Variants in PPFIA4 observed in about 807,000 individuals in gnomAD.
PPFIA4 encodes the protein liprin-alpha-4.
Under a neutral mutation model 145.7 loss-of-function variants are expected in PPFIA4, and 98 were observed. The ratio of observed to expected loss-of-function variants is 0.67; its 90% CI spans 0.57 to 0.80. The LOEUF (loss-of-function observed/expected upper bound fraction) is 0.80. PPFIA4 is among the 30% of genes least tolerant of loss of function. The probability of loss-of-function intolerance (pLI) is 0.00; values close to 1 mark genes in which losing one functional copy is unlikely to be tolerated. For synonymous variants in PPFIA4, 628 were observed against 649.6 expected (o/e 0.97, Z 0.51); for missense variants, 1,457 against 1,632.7 (o/e 0.89, Z 1.85).
chr1:203,055,475 G>T lies in PPFIA4; in HGVS notation c.1873G>T (p.Glu625Ter). ...GGAGTCCACGGAGCTCCGCGCGGAGGAGATTGAGACGCGTGTAACCAGTGG... is the reference window on the plus strand; with the variant it reads ...GGAGTCCACGGAGCTCCGCGCGGAGTAGATTGAGACGCGTGTAACCAGTGG... ...EKESTELRAE[E>*]IETRVTSGSM... Residue 625 changes from glutamate (E) to a stop codon, truncating the protein, a stop_gained, in exon 16 of 30, where the codon GAG (glutamate) becomes TAG (stop). Coordinates refer to ENST00000295706, the MANE Select transcript of PPFIA4 (RefSeq NM_001304331.2). LOFTEE classifies it high-confidence loss of function. The surrounding 1 kb of genome is among the most constrained non-coding windows in gnomAD (Gnocchi z 4.8). The T allele has an allele frequency of 1.2e-6, 2 of 1,613,990 alleles. No homozygotes were observed. Among genetic ancestry groups the T allele is most frequent in the Non-Finnish European group, 1.7e-6 (2 of 1,179,894 alleles).
Position 203,060,164 on chromosome 1 carries a change from C to A in PPFIA4, c.2584-53C>A. 1.3e-6 allele frequency: 2 copies of A among 1,582,788 alleles called. No individual in the cohort carries two copies. The highest frequency in any genetic ancestry group is 2.7e-5 in the African/African-American group (2 of 74,402). On this transcript the variant is annotated intron_variant, in intron 21 of 29. Coordinates refer to ENST00000295706, the MANE Select transcript of PPFIA4 (RefSeq NM_001304331.2). The surrounding 1 kb of genome is among the most constrained non-coding windows in gnomAD (Gnocchi z 4.8). ...CCTTGCCCCTTGCTGTTGCCAAACT[C>A]TTGGTGGTAGGGCCCAGGCCTTGAA... is the stretch of plus-strand genomic sequence containing the variant.
chr1:203,049,733 C>T lies in PPFIA4; in HGVS notation c.1477C>T (p.Arg493Ter), dbSNP rs767596639. Residue 493 changes from arginine to a stop codon, truncating the protein, a stop_gained, in exon 13 of 30, where the codon CGA becomes TGA. Transcript: ENST00000295706. LOFTEE classifies it high-confidence loss of function. Reference sequence around the variant, plus strand: ...CCAAGAGGTGGACCAGCTGAAGGGCCGAGGGGGGCCGTTTGTGGATGGCGT... The same window carrying T: ...CCAAGAGGTGGACCAGCTGAAGGGCTGAGGGGGGCCGTTTGTGGATGGCGT... ...LRQEVDQLKGRGGPFVDGVHS... is the reference protein window; with the variant it reads ...LRQEVDQLKG 7.6e-6 allele frequency: 12 copies of T among 1,586,902 alleles called. No individual in the cohort carries two copies. Among genetic ancestry groups the T allele is most frequent in the South Asian group, 2.3e-5 (2 of 86,810 alleles).
Position 203,045,953 on chromosome 1 carries a change from A to G in PPFIA4, c.971A>G (p.Asn324Ser), listed in dbSNP as rs1660052697. The G allele has an allele frequency of 6.2e-7, 1 of 1,612,582 alleles. No individual in the cohort carries two copies. The highest frequency in any genetic ancestry group is 8.5e-7 in the Non-Finnish European group (1 of 1,179,708). The change falls in exon 8 of 30, where the codon AAT becomes AGT. Residue 324 changes from asparagine to serine, a missense_variant. Asn to Ser is a conservative substitution (Grantham distance 46, BLOSUM62 1). Around this residue, in one of 3 missense-constraint regions of PPFIA4, gnomAD observed 463 missense variants for 459.8 expected, o/e 1.01. Coordinates refer to ENST00000295706, the MANE Select transcript of PPFIA4 (RefSeq NM_001304331.2). ...SIHDLNDKLENELANKESLHR... is the reference protein window; with the variant it reads ...SIHDLNDKLESELANKESLHR... Reference sequence around the variant, plus strand: ...CATGACCTCAATGACAAGCTGGAGAATGAGCTGGCCAACAAGGAGTCCCTG... The same window carrying G: ...CATGACCTCAATGACAAGCTGGAGAGTGAGCTGGCCAACAAGGAGTCCCTG...
At chr1:203,053,343 G>A (rs1464662301) in intron 14 of PPFIA4, among the ~76,000 whole-genome samples, 1 of 151,988 alleles carries the variant, frequency 6.6e-6, no homozygotes, top group Non-Finnish European at 1.5e-5. Context: ...TACCAGCCTG[G>A]GCAACATGGT....
rs767554111 is a variant in PPFIA4, at chr1:203,055,468, C to T, written c.1866C>T (p.Arg622=). Residue 622 remains arginine (R), a synonymous_variant, in exon 16 of 30, where the codon CGC becomes CGT. Transcript: ENST00000295706. The surrounding 1 kb of genome is among the most constrained non-coding windows in gnomAD (Gnocchi z 4.8). ...AAGAGAAGGAGTCCACGGAGCTCCG[C>T]GCGGAGGAGATTGAGACGCGTGTAA... is the stretch of plus-strand genomic sequence containing the variant. The part of the protein sequence containing the change: ...IQEEKESTEL[R]AEEIETRVTS... The T allele has an allele frequency of 2.1e-5, 34 of 1,613,846 alleles. 1 individual carries two copies. In the Admixed American group the frequency reaches 2.2e-4, roughly 10 times the overall value.
chr1:203,035,573 TC>T (rs1390308324), intron 1 of PPFIA4: 1 of 456,774 alleles, frequency 2.2e-6, no homozygotes, highest in Non-Finnish European at 4.4e-6. Context: ...CCCACACTCC[TC>T]CCCGGCAAAG....
chr1:203,064,144 C>G (rs1263121337), intron 25 of PPFIA4, 141 bp downstream of exon 25: 2 of 862,682 alleles, frequency 2.3e-6, no homozygotes, highest in East Asian at 5.4e-5. Flanking sequence ...TTGGGAAAGT[C>G]TCCCTTGTCA....
rs936577769 is a variant in PPFIA4 at position 203,048,792 on chromosome 1, G to A, written c.1356+78G>A. On this transcript the variant is annotated intron_variant, in intron 11 of 29. Coordinates refer to ENST00000295706, the MANE Select transcript of PPFIA4 (RefSeq NM_001304331.2). The surrounding 1 kb of genome is among the most constrained non-coding windows in gnomAD (Gnocchi z 5.8). ...GGGGGGAGGCGGGACTGTGATGGGC[G>A]CAGGCGGGGTCTCAATGGGGTGGGT... 98 of 1,542,028 alleles carry A rather than the reference G, an allele frequency of 6.4e-5. No individual in the cohort carries two copies. The highest frequency in any genetic ancestry group is 1.1e-4 in the African/African-American group (8 of 73,536).
chr1:203,074,259 T>G (rs1244383026), intron 28 of PPFIA4, among the ~76,000 whole-genome samples: 1 of 152,192 alleles, frequency 6.6e-6, no homozygotes, highest in African/African-American at 2.4e-5. Flanking sequence ...CTAGGGGGTA[T>G]AGCCTATTGC....
chr1:203,067,138 G>A (rs916393564), intron 25 of PPFIA4, among the ~76,000 whole-genome samples: 2 of 152,190 alleles, frequency 1.3e-5, no homozygotes, highest in African/African-American at 4.8e-5. Flanking sequence ...TCCAGGCAGA[G>A]GCAGCCACCA....
intron 1 of PPFIA4, among the ~76,000 whole-genome samples, chr1:203,031,221 C>G (rs1167443389): frequency 6.6e-6 from 1 of 152,150 alleles, no homozygotes; most frequent in Non-Finnish European, 1.5e-5. Flanking sequence ...CCATGCCCAG[C>G]TAGTTTTCAT....
intron 1 of PPFIA4, among the ~76,000 whole-genome samples, chr1:203,033,373 G>C (rs1397656846): frequency 6.6e-6 from 1 of 152,210 alleles, no homozygotes; most frequent in Non-Finnish European, 1.5e-5. Context: ...CCTGTAGCCA[G>C]AATAGATTTG....
In PPFIA4 at chr1:203,043,325, A is replaced by C; in HGVS notation, c.235-72A>C. ...AAGGGATGGGTGAGAGGATCCCACC[A>C]CTGACTTGCATGTGCAGGACACTGC... On this transcript the variant is annotated intron_variant, in intron 2 of 29. Transcript: ENST00000295706. The surrounding 1 kb of genome is among the most constrained non-coding windows in gnomAD (Gnocchi z 4.4). 7.4e-7 allele frequency: 1 copy of C among 1,342,960 alleles called. No homozygotes were observed. 83.2% of individuals were successfully genotyped at this position (1,342,960 alleles called of 1,614,324 possible). A position where few individuals can be genotyped will look rare whatever the true frequency, so the allele number is the denominator to read the frequency against.
chr1:203,042,315 T>C (rs1659749674), intron 2 of PPFIA4, among the ~76,000 whole-genome samples: 2 of 152,208 alleles, frequency 1.3e-5, no homozygotes. Context: ...GCAAGGTCTC[T>C]GAAGTTATCT....
At position 203,056,880 on chromosome 1, in the gene PPFIA4, T is replaced by TGG. The variant is rs1661005105; in HGVS notation, c.2338_2339dup (p.Arg781AlafsTer12). ...AGCGCAAGGGCATCAAGTCGTCCAT[T>TGG]GGCCGCCTGTTTGGGAAGAAGGAGA... On this transcript the variant is annotated frameshift_variant, in exon 19 of 30. Transcript: ENST00000295706. LOFTEE classifies it high-confidence loss of function. 1 of 1,613,950 alleles carries TGG rather than the reference T, an allele frequency of 6.2e-7. No homozygotes were observed. The highest frequency in any genetic ancestry group is 8.5e-7 in the Non-Finnish European group (1 of 1,179,904).
intron 1 of PPFIA4, among the ~76,000 whole-genome samples, chr1:203,029,258 G>A (rs1356337006): frequency 2.0e-5 from 3 of 152,206 alleles, no homozygotes; most frequent in Non-Finnish European, 4.4e-5. Context: ...GGGCCTCCTT[G>A]AGGTGTCTCC....
Position 203,055,370 on chromosome 1 carries a change from C to A in PPFIA4, c.1830-62C>A. 6.2e-7 allele frequency: 1 copy of A among 1,605,612 alleles called. No homozygotes were observed. Among genetic ancestry groups the A allele is most frequent in the Non-Finnish European group, 8.5e-7 (1 of 1,173,560 alleles). On this transcript the variant is annotated intron_variant, in intron 15 of 29. Transcript: ENST00000295706. This position sits in a 1 kb window ranked among gnomAD's most constrained non-coding sequence, Gnocchi z 4.8. ...GGTGGCGAGTGCAGGCATCGACCCG[C>A]ACTGCCTCCTGCTGGTCCTGGCTGG...
Position 203,048,308 on chromosome 1 carries a change from C to T in PPFIA4, c.1222C>T (p.Arg408Trp), listed in dbSNP as rs537498674. Reference sequence around the variant, plus strand: ...GGAGGAGAAGAACCAGGAGCTGGCACGGGTGAGGGCACCAGGCCGGGCCCT... The same window carrying T: ...GGAGGAGAAGAACCAGGAGCTGGCATGGGTGAGGGCACCAGGCCGGGCCCT... ...QLEEKNQELA[R>W]VRQREKMNED... The change falls in exon 10 of 30, where the codon CGG becomes TGG. Residue 408 changes from arginine to tryptophan, a missense_variant and splice_region_variant. Transcript: ENST00000295706. The surrounding 1 kb of genome is among the most constrained non-coding windows in gnomAD (Gnocchi z 5.8). 5 of 1,612,158 alleles carry T rather than the reference C, an allele frequency of 3.1e-6. No homozygotes were observed. The highest frequency in any genetic ancestry group is 4.2e-6 in the Non-Finnish European group (5 of 1,179,676).
intron 27 of PPFIA4, among the ~76,000 whole-genome samples, chr1:203,070,900 T>G (rs1180357319): frequency 6.6e-6 from 1 of 152,016 alleles, no homozygotes; most frequent in Non-Finnish European, 1.5e-5. Flanking sequence ...CAGACAATTT[T>G]TTTTCCAAGT....
Sources: gnomAD v4.1 joint callset for allele counts (sites outside exome capture counted in the v4.1 genomes callset) on GRCh38, gnomAD v4.1.1 for gene constraint, gnomAD v4.1.1 regional missense constraint, Gnocchi (gnomAD v3.1) non-coding constraint, MANE v1.5 for transcripts, NCBI Gene and HGNC (gene_info 2026-07-23, HGNC 2026-07-21) for gene names.